Variants in TCF7L1 observed in about 807,000 individuals in gnomAD.
The protein encoded by TCF7L1 is transcription factor 7-like 1.
TCF7L1 carries 18 observed loss-of-function variants against 63.7 expected under a neutral mutation model. That is an observed-to-expected ratio of 0.28 (90% CI 0.20 to 0.42). The LOEUF is 0.42. Among genes scored for constraint, TCF7L1 ranks in the 10% least tolerant of loss-of-function variants. The pLI, the probability that TCF7L1 is intolerant of heterozygous loss-of-function variation, is 1.00. For missense variants in TCF7L1, 654 were observed against 779.3 expected, an observed-to-expected ratio of 0.84 and a Z score of 1.91; for synonymous variants, 355 against 340.9, an observed-to-expected ratio of 1.04 and a Z score of -0.46.
intron 3 of TCF7L1, among the ~76,000 whole-genome samples, chr2:85,214,015 C>T (rs1297495661): frequency 6.6e-6 from 1 of 152,202 alleles, no homozygotes; most frequent in African/African-American, 2.4e-5. Flanking sequence ...CCGGAACGCC[C>T]CTGACTCAGC....
intron 3 of TCF7L1, among the ~76,000 whole-genome samples, chr2:85,214,186 G>A (rs529819666): frequency 1.3e-5 from 2 of 152,344 alleles, no homozygotes; most frequent in East Asian, 3.9e-4. Flanking sequence ...TTCCTGAGGA[G>A]TGAAAGATGG....
chr2:85,281,800 G>A lies in TCF7L1; in HGVS notation c.442-1695G>A, dbSNP rs369656732. ...CGTGTGACCTTAAGTTGTTGTTCCTGCCCATGGACACCTTTTTGAAAGCCC... is the reference window on the plus strand; with the variant it reads ...CGTGTGACCTTAAGTTGTTGTTCCTACCCATGGACACCTTTTTGAAAGCCC... On this transcript the variant is annotated intron_variant, in intron 3 of 11. Coordinates refer to ENST00000282111, the MANE Select transcript of TCF7L1 (RefSeq NM_031283.3). Among the ~76,000 whole-genome samples the A allele has an allele frequency of 2.6e-5, 4 of 152,146 alleles. No homozygotes were observed. In the East Asian group the frequency reaches 7.7e-4, roughly 29 times the overall value.
intron 3 of TCF7L1, chr2:85,232,859 C>CTGT (rs1325239764): frequency 1.3e-5 from 2 of 152,224 alleles, no homozygotes; most frequent in African/African-American, 4.8e-5. Context: ...CAGTGGGCTA[C>CTGT]TGTTACAGCT....
intron 3 of TCF7L1, among the ~76,000 whole-genome samples, chr2:85,192,109 C>A (rs1032905240): frequency 6.6e-6 from 1 of 152,218 alleles, no homozygotes; most frequent in Non-Finnish European, 1.5e-5. Flanking sequence ...ATGGCAGGTG[C>A]AGCCACAGTT....
chr2:85,194,791 C>A (rs572623021), intron 3 of TCF7L1, among the ~76,000 whole-genome samples: 6 of 152,294 alleles, frequency 3.9e-5, no homozygotes, highest in Admixed American at 2.0e-4. Flanking sequence ...CAGAATCCCC[C>A]TCAAGTTCTT....
At chr2:85,151,204 C>T (rs1334121285) in intron 3 of TCF7L1, among the ~76,000 whole-genome samples, 1 of 152,140 alleles carries the variant, frequency 6.6e-6, no homozygotes. Context: ...TGACATTCTG[C>T]TCAGCATTTT....
Position 85,309,037 on chromosome 2 carries a change from G to C in TCF7L1, c.1342G>C (p.Ala448Pro). The change falls in exon 12 of 12, where the codon GCC becomes CCC. Residue 448 changes from alanine to proline, a missense_variant. Transcript: ENST00000282111. ...TTGTATTTTCCCCCTAGGTGCCCTGGCCTCCAAGAGCAAGAAGCCATGTGT... is the reference window on the plus strand; with the variant it reads ...TTGTATTTTCCCCCTAGGTGCCCTGCCCTCCAAGAGCAAGAAGCCATGTGT... Reference protein sequence around the residue: ...QQVQEAEGALASKSKKPCVQY... With the variant: ...QQVQEAEGALPSKSKKPCVQY... The C allele has an allele frequency of 6.3e-7, 1 of 1,590,700 alleles. No individual in the cohort carries two copies. Among genetic ancestry groups the C allele is most frequent in the Non-Finnish European group, 8.6e-7 (1 of 1,166,880 alleles).
chr2:85,299,035 T>G (rs937539395), intron 4 of TCF7L1, among the ~76,000 whole-genome samples: 4 of 151,326 alleles, frequency 2.6e-5, no homozygotes, highest in African/African-American at 9.7e-5. Flanking sequence ...TTCCCTACTT[T>G]GTATTAGGTT....
At chr2:85,183,201 A>T (rs914054598) in intron 3 of TCF7L1, among the ~76,000 whole-genome samples, 2 of 152,278 alleles carry the variant, frequency 1.3e-5, no homozygotes, top group Non-Finnish European at 2.9e-5. Flanking sequence ...AGATATCAAA[A>T]TGCATTTCAA....
intron 3 of TCF7L1, among the ~76,000 whole-genome samples, chr2:85,148,128 A>G (rs2104199972): frequency 6.6e-6 from 1 of 152,270 alleles, no homozygotes; most frequent in South Asian, 2.1e-4. Context: ...GGAGAGTGAG[A>G]CGCTGGTGCT....
chr2:85,189,582 T>C (rs1324560673), intron 3 of TCF7L1, among the ~76,000 whole-genome samples: 5 of 152,358 alleles, frequency 3.3e-5, no homozygotes, highest in South Asian at 2.1e-4. Flanking sequence ...TGCTGTACAG[T>C]TGGCGGCCAG....
chr2:85,309,111 C>T lies in TCF7L1; in HGVS notation c.1416C>T (p.His472=), dbSNP rs368170020. The T allele has an allele frequency of 5.0e-6, 8 of 1,613,872 alleles. No homozygotes were observed. In the East Asian group the frequency reaches 6.7e-5, roughly 13 times the overall value. ...CCTGTGACAGCCCTGCCTCCTCCCA[C>T]GGGAGCATGCTGGACTCCCCGGCCA... The part of the protein sequence containing the change: ...EKPCDSPASS[H]GSMLDSPATP... The change falls in exon 12 of 12, where the codon CAC becomes CAT. Residue 472 remains histidine, a synonymous_variant. Transcript: ENST00000282111.
chr2:85,237,828 T>G (rs1680229105), intron 3 of TCF7L1, among the ~76,000 whole-genome samples: 1 of 150,644 alleles, frequency 6.6e-6, no homozygotes, highest in African/African-American at 2.5e-5. Flanking sequence ...GAGGAGAGGG[T>G]AAGAACAGGA....
chr2:85,291,616 T>G (rs1431664490), intron 4 of TCF7L1, among the ~76,000 whole-genome samples: 1 of 152,210 alleles, frequency 6.6e-6, no homozygotes, highest in Non-Finnish European at 1.5e-5. Context: ...TTCACTCTTG[T>G]CACCCAAGCA....
rs61280306 is a variant in TCF7L1, at chr2:85,212,089, CAAAAAAAAA to C, written c.442-71387_442-71379del. Among the ~76,000 whole-genome samples, 238 of 69,814 alleles carry C rather than the reference CAAAAAAAAA, an allele frequency of 3.4e-3. 2 individuals are homozygous for C. Among genetic ancestry groups the C allele is most frequent in the African/African-American group, 0.011 (227 of 20,426 alleles). 45.8% of individuals were successfully genotyped at this position (69,814 alleles called of 152,430 possible). On this transcript the variant is annotated intron_variant, in intron 3 of 11. Transcript: ENST00000282111. ...TGGGCGACAGAGCAAGACTCCATCT[CAAAAAAAAA>C]AAAAAAAAAAAAAAAAAATTCCAGA... is the stretch of plus-strand genomic sequence containing the variant.
At chr2:85,151,052 C>A (rs562150729) in intron 3 of TCF7L1, among the ~76,000 whole-genome samples, 2 of 152,038 alleles carry the variant, frequency 1.3e-5, no homozygotes, top group East Asian at 3.8e-4. Context: ...ATCTTGGGGT[C>A]TCTCATTTTT....
chr2:85,240,507 C>T (rs1157244909), intron 3 of TCF7L1, among the ~76,000 whole-genome samples: 1 of 151,758 alleles, frequency 6.6e-6, no homozygotes, highest in African/African-American at 2.4e-5. Context: ...CATGGTGGCT[C>T]ACACCTGTAA....
At chr2:85,188,530 G>A (rs1678979945) in intron 3 of TCF7L1, among the ~76,000 whole-genome samples, 1 of 152,120 alleles carries the variant, frequency 6.6e-6, no homozygotes, top group African/African-American at 2.4e-5. Context: ...TAAAAATATG[G>A]ACATACAGTT....
chr2:85,265,662 G>A (rs1279816376), intron 3 of TCF7L1, among the ~76,000 whole-genome samples: 1 of 152,126 alleles, frequency 6.6e-6, no homozygotes, highest in African/African-American at 2.4e-5. Context: ...GGCCCTAATG[G>A]GAACGGTTGG....
Sources: gnomAD v4.1 joint callset for allele counts (sites outside exome capture counted in the v4.1 genomes callset) on GRCh38, gnomAD v4.1.1 for gene constraint, MANE v1.5 for transcripts, NCBI Gene and HGNC (gene_info 2026-07-23, HGNC 2026-07-21) for gene names.